Variants in COPS4 observed in about 807,000 individuals in gnomAD.
COPS4 encodes COP9 signalosome subunit 4.
In COPS4, 8 loss-of-function variants were observed where a neutral mutation model predicts 55.1. The ratio of observed to expected loss-of-function variants is 0.15; its 90% confidence interval spans 0.09 to 0.26. The LOEUF is 0.26. COPS4 is among the 10% of genes least tolerant of loss of function. The pLI is 1.00. For missense variants in COPS4, 248 were observed against 484.0 expected (o/e 0.51, Z 4.58); for synonymous variants, 185 against 165.7 (o/e 1.12, Z -0.90).
rs779357087 is a variant in COPS4 at position 83,057,326 on chromosome 4, C to G, written c.633C>G (p.Leu211=). The G allele has an allele frequency of 6.8e-6, 11 of 1,613,526 alleles. No homozygotes were observed. The South Asian group carries it at 7.7e-5, about 11-fold the overall frequency. Residue 211 remains leucine (L), a synonymous_variant, in exon 6 of 10, where the codon CTC becomes CTG. Coordinates refer to ENST00000264389, the MANE Select transcript of COPS4 (RefSeq NM_016129.3). ...AAGCTGCACAAAGGTACAATGAGCT[C>G]TCTTACAAGACAATAGTCCACGAAA... is the stretch of plus-strand genomic sequence containing the variant. ...FIEAAQRYNE[L]SYKTIVHESE... is the part of the protein sequence containing the mutation.
chr4:83,045,582 A>T (rs370955724), intron 1 of COPS4, 44 bp from the exon 2 acceptor site: 141 of 1,465,728 alleles, frequency 9.6e-5, no homozygotes, highest in Non-Finnish European at 1.3e-4. Context: ...GCATTAGAAA[A>T]TATAGTACCC....
In COPS4 at chr4:83,057,435, A is replaced by G. The variant is rs371262270; in HGVS notation, c.715+27A>G. ...TAAACACGTAATAATTTATACTTAA[A>G]TGAACAGTTATCTTTGCTTAATAAC... On this transcript the variant is annotated intron_variant, in intron 6 of 9. Coordinates refer to ENST00000264389, the MANE Select transcript of COPS4 (RefSeq NM_016129.3). The G allele has an allele frequency of 3.3e-6, 5 of 1,519,440 alleles. No homozygotes were observed. The African/African-American group carries it at 5.6e-5, about 17-fold the overall frequency. The allele number at this position is 1,519,440 out of a possible 1,614,324, so 94.1% of individuals were successfully genotyped here. A position where few individuals can be genotyped will look rare whatever the true frequency, so the allele number is the denominator to read the frequency against.
chr4:83,070,067 C>T (rs1039557413), intron 9 of COPS4, among the ~76,000 whole-genome samples: 2 of 152,162 alleles, frequency 1.3e-5, no homozygotes, highest in Middle Eastern at 3.4e-3. Flanking sequence ...GTGTTGATCT[C>T]TCACTACTTT....
Position 83,066,083 on chromosome 4 carries a change from C to T in COPS4, c.887-355C>T, listed in dbSNP as rs538135271. ...ATGAGAATCACTTGAACCTGGGAGG[C>T]GGAGGTTGCAGTGAGCAGAGATTGT... is the stretch of plus-strand genomic sequence containing the variant. On this transcript the variant is annotated intron_variant, in intron 7 of 9. Transcript: ENST00000264389. 1.8e-4 allele frequency among the ~76,000 whole-genome samples: 27 copies of T among 152,074 alleles called. 1 individual carries two copies. The highest frequency in any genetic ancestry group is 1.4e-3 in the Admixed American group (22 of 15,284).
In COPS4 at chr4:83,064,869, CTTTTTTTTTTTTTTTTTTT is replaced by C. The variant is rs140166684; in HGVS notation, c.887-1556_887-1538del. Among the ~76,000 whole-genome samples the C allele has an allele frequency of 4.1e-5, 3 of 73,594 alleles. 1 individual carries two copies. Among genetic ancestry groups the C allele is most frequent in the African/African-American group, 1.8e-4 (3 of 16,736 alleles). The allele number at this position is 73,594 out of a possible 152,430, so 48.3% of individuals were successfully genotyped here. A position where few individuals can be genotyped will look rare whatever the true frequency, so the allele number is the denominator to read the frequency against. ...GCCACTGTGCCTGGTTAAGCAGTCC[CTTTTTTTTTTTTTTTTTTT>C]TTTTTTTTTTTTACTTTTTGAGACA... On this transcript the variant is annotated intron_variant, in intron 7 of 9. Transcript: ENST00000264389.
intron 4 of COPS4, among the ~76,000 whole-genome samples, chr4:83,051,330 C>T (rs569235614): frequency 9.9e-5 from 15 of 152,002 alleles, no homozygotes; most frequent in South Asian, 4.1e-4. Flanking sequence ...GAAGCTGAGG[C>T]GAGAGGATTG....
At chr4:83,065,443 G>T (rs1449595183) in intron 7 of COPS4, among the ~76,000 whole-genome samples, 1 of 152,192 alleles carries the variant, frequency 6.6e-6, no homozygotes, top group Non-Finnish European at 1.5e-5. Context: ...AAAACTAGCA[G>T]ATCGTGGGTG....
At chr4:83,055,738 G>C (rs937805421) in intron 4 of COPS4, among the ~76,000 whole-genome samples, 4 of 151,974 alleles carry the variant, frequency 2.6e-5, no homozygotes, top group African/African-American at 9.7e-5. Flanking sequence ...ACCGCGCCCA[G>C]TCTTGTATTC....
intron 7 of COPS4, among the ~76,000 whole-genome samples, chr4:83,064,900 T>C (rs900555859): frequency 1.3e-4 from 13 of 103,894 alleles, no homozygotes; most frequent in African/African-American, 4.2e-4. Flanking sequence ...TTTTTTTTTT[T>C]ACTTTTTGAG....
intron 4 of COPS4, 72 bp from the exon 5 acceptor site, chr4:83,056,854 A>G (rs1267920245): frequency 6.3e-6 from 8 of 1,264,196 alleles, no homozygotes; most frequent in East Asian, 2.4e-5. Context: ...AAAAAACAAC[A>G]TATCTTCTAT....
chr4:83,050,286 T>C (rs1730857536), intron 4 of COPS4, among the ~76,000 whole-genome samples: 2 of 148,820 alleles, frequency 1.3e-5, no homozygotes, highest in Admixed American at 1.3e-4. Flanking sequence ...CCAGATACTC[T>C]TGTTGTTGTT....
intron 1 of COPS4, among the ~76,000 whole-genome samples, chr4:83,041,668 G>A (rs185752959): frequency 1.2e-3 from 174 of 151,138 alleles, no homozygotes; most frequent in Admixed American, 2.0e-3. Flanking sequence ...GGGTTTCTCC[G>A]TGTTGGCCAG....
chr4:83,048,178 T>C (rs1730769940), intron 2 of COPS4, among the ~76,000 whole-genome samples: 1 of 152,138 alleles, frequency 6.6e-6, no homozygotes, highest in Non-Finnish European at 1.5e-5. Context: ...AACAACCTTA[T>C]GAAATAGATG....
At chr4:83,070,519 C>T (rs9307814) in intron 9 of COPS4, among the ~76,000 whole-genome samples, 151,885 of 152,314 alleles carry the variant, frequency 1, 75,728 homozygotes, top group Non-Finnish European at 1. Flanking sequence ...TTCTCCAATA[C>T]TCCTTATCCT....
intron 4 of COPS4, among the ~76,000 whole-genome samples, chr4:83,051,056 T>A (rs958504851): frequency 6.0e-5 from 9 of 148,916 alleles, no homozygotes; most frequent in Admixed American, 1.3e-4. Context: ...AGCCCAGGAG[T>A]TCGAGAACCA....
chr4:83,057,287 A>G lies in COPS4; in HGVS notation c.594A>G (p.Arg198=), dbSNP rs1411932358. Residue 198 remains arginine (R), a synonymous_variant, in exon 6 of 10, where the codon AGA becomes AGG. Transcript: ENST00000264389. ...KVCYARVLDY[R]RKFIEAAQRY... is the part of the protein sequence containing the mutation. ...GCTATGCACGTGTTCTTGATTATAG[A>G]AGAAAATTCATTGAAGCTGCACAAA... 6.2e-7 allele frequency: 1 copy of G among 1,608,684 alleles called. No homozygotes were observed. The highest frequency in any genetic ancestry group is 8.5e-7 in the Non-Finnish European group (1 of 1,178,496).
intron 1 of COPS4, among the ~76,000 whole-genome samples, chr4:83,037,770 C>G (rs1276344742): frequency 6.6e-6 from 1 of 152,038 alleles, no homozygotes; most frequent in South Asian, 2.1e-4. Context: ...TCTAAAACAT[C>G]AATACTGTGT....
At chr4:83,067,529 T>C (rs1407605653) in intron 8 of COPS4, among the ~76,000 whole-genome samples, 1 of 151,106 alleles carries the variant, frequency 6.6e-6, no homozygotes, top group African/African-American at 2.4e-5. Flanking sequence ...CAGCCCTTTT[T>C]TTTTTTTTTT....
chr4:83,036,749 C>T (rs1187827475), intron 1 of COPS4, among the ~76,000 whole-genome samples: 1 of 115,386 alleles, frequency 8.7e-6, no homozygotes, highest in African/African-American at 3.4e-5. Context: ...CTTCATGGCT[C>T]AATCCTTTCT....
Sources: allele counts gnomAD v4.1 joint callset (sites outside exome capture counted in the v4.1 genomes callset), GRCh38; gene constraint gnomAD v4.1.1; transcripts MANE v1.5; gene names NCBI Gene and HGNC (gene_info 2026-07-23, HGNC 2026-07-21).